ARMH3: variants seen among roughly 807,000 people sequenced by gnomAD.
ARMH3 encodes armadillo-like helical domain-containing protein 3.
In ARMH3, 60 loss-of-function variants were observed where a neutral mutation model predicts 99.1. The observed-to-expected ratio is 0.61, with a 90% CI of 0.49 to 0.75. ARMH3 has a LOEUF of 0.75. Among genes scored for constraint, ARMH3 ranks in the 30% least tolerant of loss-of-function variants. The probability of loss-of-function intolerance (pLI) is 0.00; values close to 1 mark genes in which losing one functional copy is unlikely to be tolerated. For missense variants in ARMH3, 679 were observed against 843.1 expected (o/e 0.81, Z 2.41); for synonymous variants, 285 against 292.8 (o/e 0.97, Z 0.27).
intron 22 of ARMH3, among the ~76,000 whole-genome samples, chr10:101,955,887 TTAAAA>T (rs74919477): frequency 0.013 from 1,930 of 152,328 alleles, 22 homozygotes; most frequent in Middle Eastern, 0.037. Context: ...ATTTGTATAA[TTAAAA>T]TGTGTGCAGT....
rs958619353 is a variant in ARMH3, at chr10:101,972,951, C to T, written c.1495+2261G>A. On this transcript the variant is annotated intron_variant, in intron 20 of 25. Coordinates refer to ENST00000370033, the MANE Select transcript of ARMH3 (RefSeq NM_024541.3). ...GAGCTGAAAGTTCTGAAAGACATAA[C>T]GTCAACTGACCAACACAGAATAAAG... Among the ~76,000 whole-genome samples, 12 of 152,154 alleles carry T rather than the reference C, an allele frequency of 7.9e-5. No homozygotes were observed. The East Asian group carries it at 1.3e-3, about 17-fold the overall frequency.
At chr10:102,030,636 G>A (rs2067106435) in intron 4 of ARMH3, among the ~76,000 whole-genome samples, 1 of 152,090 alleles carries the variant, frequency 6.6e-6, no homozygotes. Context: ...TTGAACCCAG[G>A]AGACGGATGT....
At chr10:101,898,845 T>C (rs1280837069) in intron 23 of ARMH3, among the ~76,000 whole-genome samples, 1 of 152,246 alleles carries the variant, frequency 6.6e-6, no homozygotes, top group East Asian at 1.9e-4. Context: ...TCCAACCTCA[T>C]TAAGAGCTGT....
intron 23 of ARMH3, among the ~76,000 whole-genome samples, chr10:101,909,505 T>C (rs1292166326): frequency 7.7e-6 from 1 of 130,388 alleles, no homozygotes; most frequent in Non-Finnish European, 1.6e-5. Flanking sequence ...GGTCTCACTC[T>C]GTCCCGAGGC....
intron 23 of ARMH3, 163 bp from the exon 24 acceptor site, chr10:101,889,653 G>A (rs570658223): frequency 7.4e-6 from 5 of 678,078 alleles, no homozygotes; most frequent in Middle Eastern, 3.3e-4. Context: ...ACAAATGGGG[G>A]TGAATTGATA....
At chr10:101,923,893 C>T (rs1427430512) in intron 23 of ARMH3, among the ~76,000 whole-genome samples, 1 of 152,146 alleles carries the variant, frequency 6.6e-6, no homozygotes. Context: ...GATTTCTTCA[C>T]AAATTCATTC....
chr10:102,020,557 G>A (rs546455245), intron 8 of ARMH3, among the ~76,000 whole-genome samples: 21 of 151,774 alleles, frequency 1.4e-4, no homozygotes, highest in Non-Finnish European at 2.4e-4. Context: ...GTGGTGGCGG[G>A]CGCCTGTAGT....
intron 6 of ARMH3, among the ~76,000 whole-genome samples, chr10:102,024,815 T>C (rs1281581659): frequency 6.8e-6 from 1 of 147,676 alleles, no homozygotes; most frequent in East Asian, 2.0e-4. Context: ...CAAGACTCTG[T>C]CTCAAAAAAA....
At chr10:102,054,732 A>G (rs374184732) in intron 1 of ARMH3, among the ~76,000 whole-genome samples, 2 of 152,208 alleles carry the variant, frequency 1.3e-5, no homozygotes, top group African/African-American at 4.8e-5. Context: ...GCAGTGGCTC[A>G]CACCTGTAAT....
chr10:101,865,865 G>A (rs1172552313), intron 24 of ARMH3, among the ~76,000 whole-genome samples: 1 of 152,066 alleles, frequency 6.6e-6, no homozygotes, highest in Non-Finnish European at 1.5e-5. Flanking sequence ...AAAATGCCCT[G>A]TGACGCTAAT....
intron 25 of ARMH3, among the ~76,000 whole-genome samples, chr10:101,849,441 T>C (rs756236302): frequency 2.6e-5 from 4 of 152,076 alleles, no homozygotes; most frequent in Admixed American, 6.5e-5. Flanking sequence ...CGTGATTCCA[T>C]AAGAAGGGGA....
At chr10:102,053,238 A>AAAG (rs2067751741) in intron 1 of ARMH3, among the ~76,000 whole-genome samples, 1 of 150,104 alleles carries the variant, frequency 6.7e-6, no homozygotes, top group Non-Finnish European at 1.5e-5. Context: ...AAAAAAAAAA[A>AAAG]AGAGAAAAAA....
intron 23 of ARMH3, among the ~76,000 whole-genome samples, chr10:101,936,514 G>T (rs1358300733): frequency 6.8e-6 from 1 of 147,696 alleles, no homozygotes; most frequent in African/African-American, 2.5e-5. Flanking sequence ...AAAAAGAAAG[G>T]AAAAATGAAG....
At chr10:101,873,416 A>T (rs1346150392) in intron 24 of ARMH3, among the ~76,000 whole-genome samples, 2 of 152,146 alleles carry the variant, frequency 1.3e-5, no homozygotes, top group Admixed American at 1.3e-4. Context: ...TGTCAAAAAA[A>T]CAAAACAAAA....
intron 24 of ARMH3, among the ~76,000 whole-genome samples, chr10:101,861,105 T>C (rs1367642723): frequency 6.6e-6 from 1 of 152,090 alleles, no homozygotes; most frequent in Admixed American, 6.5e-5. Context: ...GAGCTATTAT[T>C]TTAAAGACCC....
chr10:102,000,130 C>A (rs1455594393), intron 15 of ARMH3, among the ~76,000 whole-genome samples: 1 of 152,024 alleles, frequency 6.6e-6, no homozygotes, highest in African/African-American at 2.4e-5. Flanking sequence ...AAAATAACAA[C>A]AACAACACAC....
intron 1 of ARMH3, among the ~76,000 whole-genome samples, chr10:102,054,206 T>C (rs954415426): frequency 6.6e-6 from 1 of 151,870 alleles, no homozygotes; most frequent in Non-Finnish European, 1.5e-5. Flanking sequence ...CTGGCCAATA[T>C]GGTGAAACTC....
intron 1 of ARMH3, among the ~76,000 whole-genome samples, chr10:102,048,621 C>A (rs1329075273): frequency 2.0e-5 from 3 of 151,914 alleles, no homozygotes; most frequent in East Asian, 1.9e-4. Flanking sequence ...AGAGTCAGGG[C>A]TTCACCAAGT....
At chr10:102,007,735 A>C (rs954602910) in intron 13 of ARMH3, among the ~76,000 whole-genome samples, 9 of 141,452 alleles carry the variant, frequency 6.4e-5, no homozygotes, top group Admixed American at 2.9e-4. Context: ...CGGGAGGCTG[A>C]GGCAGGAGAA....
Sources: allele counts gnomAD v4.1 joint callset (sites outside exome capture counted in the v4.1 genomes callset), GRCh38; gene constraint gnomAD v4.1.1; transcripts MANE v1.5; gene names NCBI Gene and HGNC (gene_info 2026-07-23, HGNC 2026-07-21).